Variants in PGR observed in about 807,000 individuals in gnomAD.
PGR encodes the protein nuclear receptor subfamily 3 group C member 3.
In PGR, 25 loss-of-function variants were observed where a neutral mutation model predicts 76.1. That is an observed-to-expected ratio of 0.33 (90% CI 0.24 to 0.46). The LOEUF is 0.46. Ranked by LOEUF, PGR falls within the 20% of genes least tolerant of loss-of-function variation. The pLI is 1.00. For synonymous variants in PGR, 579 were observed against 535.0 expected (o/e 1.08, Z -1.14); for missense variants, 1,172 against 1,225.3 (o/e 0.96, Z 0.65).
intron 2 of PGR, among the ~76,000 whole-genome samples, chr11:101,098,736 T>G (rs1349597867): frequency 6.6e-6 from 1 of 152,126 alleles, no homozygotes; most frequent in African/African-American, 2.4e-5. Context: ...CATGAGAGGA[T>G]GGGATATATT....
chr11:101,059,277 G>T lies in PGR; in HGVS notation c.2212+3170C>A, dbSNP rs982588801. ...TTCTGTCCCCACTTTCATTATATCT[G>T]TATCTTATATCACTTTCACATAACA... On this transcript the variant is annotated intron_variant, in intron 4 of 7. Coordinates refer to ENST00000325455, the MANE Select transcript of PGR (RefSeq NM_000926.4). Among the ~76,000 whole-genome samples, 5 of 151,894 alleles carry T rather than the reference G, an allele frequency of 3.3e-5. No homozygotes were observed. The South Asian group carries it at 1.0e-3, about 32-fold the overall frequency.
At chr11:101,047,995 C>A (rs1859950595) in intron 6 of PGR, among the ~76,000 whole-genome samples, 2 of 152,078 alleles carry the variant, frequency 1.3e-5, no homozygotes, top group Non-Finnish European at 2.9e-5. Context: ...AGCTTAAGTG[C>A]CTTGGAATGT....
chr11:101,123,411 C>A (rs182395405), intron 2 of PGR, among the ~76,000 whole-genome samples: 1 of 152,298 alleles, frequency 6.6e-6, no homozygotes, highest in Admixed American at 6.5e-5. Context: ...GATTTTGAAC[C>A]TGATATAAGT....
chr11:101,063,992 C>T (rs1399044387), intron 3 of PGR: 1 of 152,022 alleles, frequency 6.6e-6, no homozygotes, highest in African/African-American at 2.4e-5. Context: ...TTTCTGAACT[C>T]AGGGTATTGT....
chr11:101,043,737 T>C (rs1352342827), intron 6 of PGR, among the ~76,000 whole-genome samples: 1 of 152,198 alleles, frequency 6.6e-6, no homozygotes, highest in Non-Finnish European at 1.5e-5. Flanking sequence ...TCTCCTTGTA[T>C]ATATCCATAA....
intron 4 of PGR, among the ~76,000 whole-genome samples, chr11:101,051,998 C>T (rs1860106861): frequency 6.6e-6 from 1 of 151,910 alleles, no homozygotes; most frequent in South Asian, 2.1e-4. Context: ...ATCAGTCAAT[C>T]GGGAGGGAGG....
At position 101,128,884 on chromosome 11, in the gene PGR, G is replaced by A; in HGVS notation, c.187C>T (p.Pro63Ser). 6.2e-7 allele frequency: 1 copy of A among 1,614,056 alleles called. No individual in the cohort carries two copies. The highest frequency in any genetic ancestry group is 8.5e-7 in the Non-Finnish European group (1 of 1,180,008). ...TCGGAGGGGTCCTGTCCCTGGCAGG[G>A]CCGAGGGAAGAGTAGCCCGTCCAGG... ...ISLDGLLFPR[P>S]CQGQDPSDEK... The change falls in exon 1 of 8, where the codon CCC becomes TCC. Residue 63 changes from proline to serine, a missense_variant. Pro to Ser is a moderately conservative substitution (Grantham distance 74). This residue lies in a region of PGR where 893 missense variants were observed against 785.9 expected (regional missense o/e 1.14). Coordinates refer to ENST00000325455, the MANE Select transcript of PGR (RefSeq NM_000926.4).
Position 101,038,348 on chromosome 11 carries a change from C to T in PGR, c.*768G>A, listed in dbSNP as rs571341213. 32 of 208,688 alleles carry T rather than the reference C, an allele frequency of 1.5e-4. No individual in the cohort carries two copies. The highest frequency in any genetic ancestry group is 1.6e-3 in the Middle Eastern group (1 of 628). 12.9% of individuals were successfully genotyped at this position (208,688 alleles called of 1,614,324 possible). On this transcript the variant is annotated 3_prime_UTR_variant, in exon 8 of 8. Coordinates refer to ENST00000325455, the MANE Select transcript of PGR (RefSeq NM_000926.4). ...ACAGTTGGTAAGGAGTACAGTTAGGCCATAATCTTCTGATTTCTTATGTCC... is the reference window on the plus strand; with the variant it reads ...ACAGTTGGTAAGGAGTACAGTTAGGTCATAATCTTCTGATTTCTTATGTCC...
At chr11:101,088,028 A>G (rs522608) in intron 3 of PGR, among the ~76,000 whole-genome samples, 1 of 90,614 alleles carries the variant, frequency 1.1e-5, no homozygotes, top group Non-Finnish European at 2.4e-5. Flanking sequence ...TTATCGTTAC[A>G]AAAAAAAAAT....
intron 3 of PGR, among the ~76,000 whole-genome samples, chr11:101,084,979 AC>A: frequency 6.6e-6 from 1 of 152,330 alleles, no homozygotes; most frequent in Non-Finnish European, 1.5e-5. Context: ...ACTTCTAAGG[AC>A]CTAGAAAGCC....
At chr11:101,092,322 C>CT (rs1166374392) in intron 2 of PGR, among the ~76,000 whole-genome samples, 1 of 152,008 alleles carries the variant, frequency 6.6e-6, no homozygotes, top group Non-Finnish European at 1.5e-5. Context: ...TGGAAAAGAC[C>CT]TTTTAAAAAA....
chr11:101,098,687 T>C (rs1488631883), intron 2 of PGR, among the ~76,000 whole-genome samples: 1 of 152,116 alleles, frequency 6.6e-6, no homozygotes, highest in Non-Finnish European at 1.5e-5. Context: ...GATACAGATA[T>C]AAGAAATGCC....
chr11:101,090,732 T>C (rs1312365656), intron 3 of PGR, among the ~76,000 whole-genome samples: 1 of 152,196 alleles, frequency 6.6e-6, no homozygotes, highest in African/African-American at 2.4e-5. Flanking sequence ...AAACAAATCT[T>C]TAATCAAGAA....
chr11:101,077,603 C>A (rs1048455261), intron 3 of PGR, among the ~76,000 whole-genome samples: 1 of 152,116 alleles, frequency 6.6e-6, no homozygotes, highest in Non-Finnish European at 1.5e-5. Flanking sequence ...CTTGTAGATA[C>A]TACTGAAAAG....
At chr11:101,067,302 C>T (rs1344187510) in intron 3 of PGR, among the ~76,000 whole-genome samples, 4 of 152,042 alleles carry the variant, frequency 2.6e-5, no homozygotes, top group Admixed American at 2.0e-4. Context: ...ACCCAAAATA[C>T]ACAAAGAATT....
intron 3 of PGR, among the ~76,000 whole-genome samples, chr11:101,075,631 A>C (rs1026746972): frequency 2.6e-5 from 4 of 151,480 alleles, no homozygotes; most frequent in African/African-American, 7.3e-5. Context: ...CAAAAAAAAA[A>C]ACAAAAAACA....
chr11:101,125,233 A>C (rs942965113), intron 2 of PGR, among the ~76,000 whole-genome samples: 5 of 150,552 alleles, frequency 3.3e-5, no homozygotes, highest in African/African-American at 4.9e-5. Context: ...GACTTTAGGT[A>C]GAAAGAAATT....
intron 3 of PGR, among the ~76,000 whole-genome samples, chr11:101,065,159 T>C (rs1860669410): frequency 6.6e-6 from 1 of 152,242 alleles, no homozygotes; most frequent in Non-Finnish European, 1.5e-5. Context: ...CCACCAGGCT[T>C]GCTGCCCTGT....
intron 6 of PGR, among the ~76,000 whole-genome samples, chr11:101,047,362 G>C (rs1333106257): frequency 2.6e-5 from 4 of 152,146 alleles, no homozygotes; most frequent in African/African-American, 9.7e-5. Context: ...ATGCAAAGAA[G>C]GGCAGGAGCT....
Sources: gnomAD v4.1 joint callset for allele counts (sites outside exome capture counted in the v4.1 genomes callset) on GRCh38, gnomAD v4.1.1 for gene constraint, gnomAD v4.1.1 regional missense constraint, MANE v1.5 for transcripts, NCBI Gene and HGNC (gene_info 2026-07-23, HGNC 2026-07-21) for gene names.